The following NYAP2 variants were observed in gnomAD, a reference collection of about 807,000 sequenced individuals.
NYAP2 encodes neuronal tyrosine-phosphorylated phosphoinositide-3-kinase adapter 2.
NYAP2 carries 23 observed loss-of-function variants against 50.4 expected under a neutral mutation model. The observed-to-expected ratio is 0.46, with a 90% confidence interval of 0.33 to 0.65. The LOEUF (loss-of-function observed/expected upper bound fraction) is 0.65, where lower values mean the gene tolerates loss of function less well. Among genes scored for constraint, NYAP2 ranks in the 30% least tolerant of loss-of-function variants. The pLI, the probability that NYAP2 is intolerant of heterozygous loss-of-function variation, is 0.02. For missense variants in NYAP2, 885 were observed against 861.0 expected, an observed-to-expected ratio of 1.03 and a Z score of -0.35; for synonymous variants, 394 against 365.2, an observed-to-expected ratio of 1.08 and a Z score of -0.90.
In NYAP2 at chr2:225,582,941, G is replaced by A; in HGVS notation, c.1524G>A (p.Thr508=). The A allele has an allele frequency of 6.2e-7, 1 of 1,612,524 alleles. No individual in the cohort carries two copies. The highest frequency in any genetic ancestry group is 2.2e-5 in the East Asian group (1 of 44,848). ...GTGGCTCCCGGTCCCGGACACCCAC[G>A]AGCCCGCTGGAGGAGCTGACCAGCC... is the stretch of plus-strand genomic sequence containing the variant. Residue 508 remains threonine (T), a synonymous_variant, in exon 5 of 7, where the codon ACG becomes ACA. Coordinates refer to ENST00000636099, the Ensembl canonical transcript of NYAP2. The surrounding 1 kb of genome is among the most constrained non-coding windows in gnomAD (Gnocchi z 7.0).
chr2:225,538,513 G>T (rs955500932), intron 4 of NYAP2, among the ~76,000 whole-genome samples: 1 of 152,192 alleles, frequency 6.6e-6, no homozygotes, highest in Non-Finnish European at 1.5e-5. Flanking sequence ...AGCCAGGCTT[G>T]AGTGGCTGGG....
the NYAP2 span, among the ~76,000 whole-genome samples, chr2:225,674,611 T>A: frequency 2.7e-4 from 41 of 152,208 alleles, no homozygotes; most frequent in Non-Finnish European, 4.7e-4. Context: ...AGAATCACCA[T>A]CCTATGACCA....
At position 225,617,097 on chromosome 2, in the gene NYAP2, C is replaced by T. The variant is rs1419993831; in HGVS notation, c.1619-9820C>T. Among the ~76,000 whole-genome samples, 3 of 152,100 alleles carry T rather than the reference C, an allele frequency of 2.0e-5. No homozygotes were observed. In the East Asian group the frequency reaches 5.8e-4, roughly 29 times the overall value. On this transcript the variant is annotated intron_variant, in intron 5 of 6. Coordinates refer to ENST00000636099, the Ensembl canonical transcript of NYAP2. ...CTCTATTTTCAGGCACAATCAGAGC[C>T]CATATTTTGTAACCAAGCGATCTCT...
At chr2:225,601,671 T>C (rs1275670135) in intron 5 of NYAP2, among the ~76,000 whole-genome samples, 1 of 152,212 alleles carries the variant, frequency 6.6e-6, no homozygotes, top group Non-Finnish European at 1.5e-5. Context: ...TTATTGGCCA[T>C]TTATATGCCT....
At chr2:225,691,302 C>T in the NYAP2 span, among the ~76,000 whole-genome samples, 2 of 151,948 alleles carry the variant, frequency 1.3e-5, no homozygotes, top group African/African-American at 4.8e-5. Context: ...AGTACGTCAA[C>T]AAATAGGTAC....
intron 3 of NYAP2, among the ~76,000 whole-genome samples, chr2:225,459,964 G>A (rs1452981693): frequency 1.3e-4 from 20 of 152,116 alleles, no homozygotes; most frequent in Admixed American, 5.2e-4. Context: ...GAGCCACAGC[G>A]CCCAGCCTCT....
At chr2:225,670,322 A>C in the NYAP2 span, among the ~76,000 whole-genome samples, 245 of 152,216 alleles carry the variant, frequency 1.6e-3, no homozygotes, top group Non-Finnish European at 2.6e-3. Flanking sequence ...GAACCCTGGA[A>C]TGTTGTACGG....
exon 7 of NYAP2, chr2:225,652,189 C>G (rs1407266965): frequency 6.6e-6 from 1 of 152,006 alleles, no homozygotes; most frequent in Non-Finnish European, 1.5e-5. Context: ...ATTGACTGGC[C>G]TAAGACAATT....
chr2:225,588,487 C>T (rs1473490363), intron 5 of NYAP2, among the ~76,000 whole-genome samples: 1 of 152,062 alleles, frequency 6.6e-6, no homozygotes, highest in Non-Finnish European at 1.5e-5. Context: ...TGTGTGAGGT[C>T]CAGTGATACC....
intron 6 of NYAP2, among the ~76,000 whole-genome samples, chr2:225,643,977 T>A (rs2106267816): frequency 6.7e-6 from 1 of 148,464 alleles, no homozygotes; most frequent in African/African-American, 2.5e-5. Context: ...GATGGCTGGG[T>A]CAAATGGTAT....
intron 5 of NYAP2, among the ~76,000 whole-genome samples, chr2:225,612,088 A>C (rs1431081): frequency 0.62 from 90,160 of 145,170 alleles, 28,657 homozygotes; most frequent in South Asian, 0.79. Flanking sequence ...GTTTGGATAA[A>C]CCACTACTGT....
intron 5 of NYAP2, among the ~76,000 whole-genome samples, chr2:225,612,541 G>A (rs1692908860): frequency 6.6e-6 from 1 of 152,070 alleles, no homozygotes; most frequent in Non-Finnish European, 1.5e-5. Context: ...TGAGTGGGTG[G>A]TTTAAACAAC....
intron 3 of NYAP2, among the ~76,000 whole-genome samples, chr2:225,510,737 G>A (rs1574650897): frequency 6.6e-6 from 1 of 152,016 alleles, no homozygotes; most frequent in East Asian, 1.9e-4. Flanking sequence ...GCTAGTGCTT[G>A]AAGCATGCAT....
At chr2:225,474,022 A>C (rs1440471479) in intron 3 of NYAP2, among the ~76,000 whole-genome samples, 2 of 152,168 alleles carry the variant, frequency 1.3e-5, no homozygotes, top group Non-Finnish European at 2.9e-5. Flanking sequence ...TCAGCTTTCT[A>C]CATATGGCTA....
chr2:225,655,172 G>A (rs1693802722), downstream of NYAP2, among the ~76,000 whole-genome samples: 1 of 152,172 alleles, frequency 6.6e-6, no homozygotes, highest in South Asian at 2.1e-4. Context: ...ATGTATAATT[G>A]TATTTGACTG....
At chr2:225,667,298 A>T in the NYAP2 span, among the ~76,000 whole-genome samples, 1 of 152,080 alleles carries the variant, frequency 6.6e-6, no homozygotes, top group Admixed American at 6.6e-5. Flanking sequence ...TATAAATATA[A>T]ATATCATATA....
In NYAP2 at chr2:225,595,744, C is replaced by T. The variant is rs79941826; in HGVS notation, c.1618+12709C>T. ...ATATAAACCATAATCAAATTGCCCA[C>T]TGATGTTTCATAAAACAGAAGCTTG... On this transcript the variant is annotated intron_variant, in intron 5 of 6. Coordinates refer to ENST00000636099, the Ensembl canonical transcript of NYAP2. Among the ~76,000 whole-genome samples the T allele has an allele frequency of 2.0e-3, 311 of 152,314 alleles. 2 individuals carry two copies. The highest frequency in any genetic ancestry group is 7.1e-3 in the African/African-American group (296 of 41,568).
chr2:225,647,628 G>A (rs973757093), intron 6 of NYAP2, among the ~76,000 whole-genome samples: 1 of 152,156 alleles, frequency 6.6e-6, no homozygotes, highest in African/African-American at 2.4e-5. Flanking sequence ...GCTTTGAGGA[G>A]TTGCAGTGAC....
chr2:225,551,616 C>T (rs1406760490), intron 4 of NYAP2, among the ~76,000 whole-genome samples: 1 of 151,940 alleles, frequency 6.6e-6, no homozygotes, highest in African/African-American at 2.4e-5. Flanking sequence ...TTTGTAGGCT[C>T]TTTTGTTCTT....
Sources: gnomAD v4.1 joint callset for allele counts (sites outside exome capture counted in the v4.1 genomes callset) on GRCh38, gnomAD v4.1.1 for gene constraint, Gnocchi (gnomAD v3.1) non-coding constraint, MANE v1.5 for transcripts, NCBI Gene and HGNC (gene_info 2026-07-23, HGNC 2026-07-21) for gene names.